Variants in TFEC observed in about 807,000 individuals in gnomAD.
TFEC encodes the protein class E basic helix-loop-helix protein 34.
A neutral mutation model predicts 41.6 loss-of-function variants in TFEC; 31 were observed. The observed-to-expected ratio is 0.74, with a 90% CI of 0.56 to 1.01. The LOEUF (loss-of-function observed/expected upper bound fraction) is 1.01. Ranked by LOEUF, TFEC falls within the 50% of genes least tolerant of loss-of-function variation. The probability of loss-of-function intolerance (pLI) is 0.00; values close to 1 mark genes in which losing one functional copy is unlikely to be tolerated. For missense variants in TFEC, 402 were observed against 404.1 expected (o/e 0.99, Z 0.04); for synonymous variants, 143 against 140.6 (o/e 1.02, Z -0.12).
rs779031011 is a variant in TFEC, at chr7:115,940,595, T to A, written c.1000A>T (p.Ser334Cys). 1 of 1,613,282 alleles carries A rather than the reference T, an allele frequency of 6.2e-7. No homozygotes were observed. The highest frequency in any genetic ancestry group is 1.1e-5 in the South Asian group (1 of 91,042). ...ATSPAVSKESSRRSSFSSDDG... is the reference protein window; with the variant it reads ...ATSPAVSKESCRRSSFSSDDG... The stretch of plus-strand genomic sequence containing the variant: ...TCTGAGCTAAAGCTACTTCTCCTAC[T>A]GCTTTCTTTGGAAACTGCAGGGGAA... The change falls in exon 8 of 8, where the codon AGT becomes TGT. Residue 334 changes from serine (S) to cysteine (C), a missense_variant. Physicochemically the swap from Ser to Cys is moderately radical, Grantham distance 112. Coordinates refer to ENST00000265440, the MANE Select transcript of TFEC (RefSeq NM_012252.4).
At chr7:116,041,513 T>C (rs1421835787) in intron 3 of TFEC, among the ~76,000 whole-genome samples, 1 of 152,072 alleles carries the variant, frequency 6.6e-6, no homozygotes, top group Non-Finnish European at 1.5e-5. Context: ...GTTAGAAAAT[T>C]GGAAAAGTTA....
chr7:116,159,291 C>T (rs1798928390), intron 1 of TFEC, among the ~76,000 whole-genome samples: 1 of 151,648 alleles, frequency 6.6e-6, no homozygotes, highest in Non-Finnish European at 1.5e-5. Flanking sequence ...ATGTTTTTAT[C>T]AAAAATATAC....
chr7:116,018,028 G>T (rs563016307), intron 1 of TFEC, among the ~76,000 whole-genome samples: 1 of 152,110 alleles, frequency 6.6e-6, no homozygotes, highest in East Asian at 1.9e-4. Flanking sequence ...GAACAAATCA[G>T]TGAATGAGGA....
At chr7:116,049,542 AC>A (rs1334666562) in intron 3 of TFEC, among the ~76,000 whole-genome samples, 1 of 152,148 alleles carries the variant, frequency 6.6e-6, no homozygotes, top group Non-Finnish European at 1.5e-5. Context: ...AGACTTCAAC[AC>A]CCCACTGTCA....
intron 1 of TFEC, among the ~76,000 whole-genome samples, chr7:116,001,387 C>T (rs1213109111): frequency 2.0e-5 from 3 of 151,630 alleles, no homozygotes; most frequent in Non-Finnish European, 4.4e-5. Context: ...GCCAGCGAAT[C>T]GGGAGGCTGA....
chr7:116,018,147 C>A (rs1048225177), intron 1 of TFEC, among the ~76,000 whole-genome samples: 1 of 152,116 alleles, frequency 6.6e-6, no homozygotes, highest in African/African-American at 2.4e-5. Flanking sequence ...TTAATCTCCC[C>A]AACAGCCCTA....
At chr7:115,984,146 T>C in intron 2 of TFEC, 116 bp downstream of exon 2, 1 of 1,291,154 alleles carries the variant, frequency 7.7e-7, no homozygotes, top group Non-Finnish European at 1.1e-6. Context: ...AAAAGCACAT[T>C]TCTTTTGTTA....
chr7:115,942,843 T>A (rs531450172), intron 6 of TFEC, among the ~76,000 whole-genome samples: 1 of 152,150 alleles, frequency 6.6e-6, no homozygotes, highest in Non-Finnish European at 1.5e-5. Context: ...CATTAATGAA[T>A]GTAATACTGC....
At chr7:116,073,273 A>G (rs888846271) in intron 3 of TFEC, among the ~76,000 whole-genome samples, 8 of 151,828 alleles carry the variant, frequency 5.3e-5, no homozygotes, top group African/African-American at 1.9e-4. Flanking sequence ...AAATAAATTT[A>G]GCAAAAGAAA....
intron 3 of TFEC, among the ~76,000 whole-genome samples, chr7:115,971,986 T>C (rs1007137835): frequency 6.6e-6 from 1 of 152,082 alleles, no homozygotes; most frequent in Non-Finnish European, 1.5e-5. Flanking sequence ...CTAATATACT[T>C]ACTCAAAGCT....
chr7:115,960,055 T>C (rs925569991), intron 3 of TFEC, among the ~76,000 whole-genome samples: 3 of 151,406 alleles, frequency 2.0e-5, no homozygotes, highest in Admixed American at 6.6e-5. Context: ...GTTTATAGAA[T>C]GCCTAATAAG....
intron 3 of TFEC, among the ~76,000 whole-genome samples, chr7:116,038,451 C>A (rs1795960695): frequency 2.0e-5 from 3 of 151,952 alleles, no homozygotes; most frequent in Admixed American, 2.0e-4. Flanking sequence ...TTAAAATATT[C>A]TCCTTCCCAA....
At chr7:115,949,965 T>G (rs1791840483) in intron 6 of TFEC, among the ~76,000 whole-genome samples, 1 of 151,490 alleles carries the variant, frequency 6.6e-6, no homozygotes, top group Non-Finnish European at 1.5e-5. Context: ...TTCTCAGTTT[T>G]AATGAAATAT....
In TFEC at chr7:115,964,155, A is replaced by C. The variant is rs140093985; in HGVS notation, c.268-7362T>G. Among the ~76,000 whole-genome samples the C allele has an allele frequency of 3.5e-3, 525 of 151,714 alleles. 1 individual carries two copies. Among genetic ancestry groups the C allele is most frequent in the African/African-American group, 0.012 (509 of 41,496 alleles). ...TTGTAAATGCTTAGACAAAATGCAA[A>C]ATTTTCTAGAAAAATATTACTTAGT... On this transcript the variant is annotated intron_variant, in intron 3 of 7. Coordinates refer to ENST00000265440, the MANE Select transcript of TFEC (RefSeq NM_012252.4).
At chr7:115,963,023 C>T (rs532210749) in intron 3 of TFEC, among the ~76,000 whole-genome samples, 3 of 151,564 alleles carry the variant, frequency 2.0e-5, no homozygotes, top group Non-Finnish European at 2.9e-5. Context: ...CCCGACCAGC[C>T]CCGGTGTTTG....
At chr7:116,065,988 A>G (rs2131006217) in intron 3 of TFEC, among the ~76,000 whole-genome samples, 1 of 152,202 alleles carries the variant, frequency 6.6e-6, no homozygotes, top group African/African-American at 2.4e-5. Flanking sequence ...GATTGCCTGA[A>G]GAAAAAAATA....
chr7:115,990,367 G>A (rs1168293607), intron 1 of TFEC, among the ~76,000 whole-genome samples: 3 of 152,164 alleles, frequency 2.0e-5, no homozygotes, highest in Non-Finnish European at 4.4e-5. Context: ...GAACAAACCT[G>A]GATGGAGAAT....
intron 6 of TFEC, among the ~76,000 whole-genome samples, chr7:115,945,436 T>C (rs149992244): frequency 8.6e-5 from 13 of 151,734 alleles, no homozygotes; most frequent in Non-Finnish European, 1.6e-4. Flanking sequence ...GATTCAATCA[T>C]GGGACCCTCA....
intron 1 of TFEC, chr7:116,159,719 A>AT (rs1338340661): frequency 6.6e-6 from 1 of 152,166 alleles, no homozygotes; most frequent in African/African-American, 2.4e-5. Context: ...TAGCCATATG[A>AT]TTTTAAAGCC....
Sources: gnomAD v4.1 joint callset for allele counts (sites outside exome capture counted in the v4.1 genomes callset) on GRCh38, gnomAD v4.1.1 for gene constraint, MANE v1.5 for transcripts, NCBI Gene and HGNC (gene_info 2026-07-23, HGNC 2026-07-21) for gene names.